The following CRYBG3 variants were observed in gnomAD, a reference collection of about 807,000 sequenced individuals.
CRYBG3 encodes the protein very large A-kinase anchor protein.
A neutral mutation model predicts 244.2 loss-of-function variants in CRYBG3; 127 were observed. The observed-to-expected ratio is 0.52, with a 90% CI of 0.45 to 0.60. The LOEUF is 0.60. CRYBG3 is among the 20% of genes least tolerant of loss of function. The probability of loss-of-function intolerance (pLI) is 0.00; values close to 1 mark genes in which losing one functional copy is unlikely to be tolerated. For missense variants in CRYBG3, 3,325 were observed against 3,442.5 expected (o/e 0.97, Z 0.85); for synonymous variants, 1,132 against 1,195.8 (o/e 0.95, Z 1.10).
At position 97,874,169 on chromosome 3, in the gene CRYBG3, A is replaced by T; in HGVS notation, c.2975A>T (p.Asn992Ile). The T allele has an allele frequency of 1.3e-6, 2 of 1,530,766 alleles. No individual in the cohort carries two copies. The highest frequency in any genetic ancestry group is 1.7e-6 in the Non-Finnish European group (2 of 1,145,556). The allele number at this position is 1,530,766 out of a possible 1,614,324, so 94.8% of individuals were successfully genotyped here. A position where few individuals can be genotyped will look rare whatever the true frequency, so the allele number is the denominator to read the frequency against. The change falls in exon 4 of 22, where the codon AAT (asparagine) becomes ATT (isoleucine). Residue 992 changes from asparagine to isoleucine, a missense_variant. Physicochemically the swap from Asn to Ile is moderately radical, Grantham distance 149. Coordinates refer to ENST00000389622, the MANE Select transcript of CRYBG3 (RefSeq NM_153605.4). ...HSEMAELSLTNISPKFQETGS... is the reference protein window; with the variant it reads ...HSEMAELSLTIISPKFQETGS... Reference sequence around the variant, plus strand: ...GAAATGGCGGAACTCAGCTTAACTAATATTTCCCCTAAATTCCAAGAAACT... The same window carrying T: ...GAAATGGCGGAACTCAGCTTAACTATTATTTCCCCTAAATTCCAAGAAACT...
At chr3:97,919,130 T>G (rs1400396304) in intron 17 of CRYBG3, among the ~76,000 whole-genome samples, 1 of 152,216 alleles carries the variant, frequency 6.6e-6, no homozygotes, top group African/African-American at 2.4e-5. Context: ...TCTCTGCCAC[T>G]GTAGCAGAGC....
intron 1 of CRYBG3, among the ~76,000 whole-genome samples, chr3:97,835,266 A>G (rs376658342): frequency 6.6e-6 from 1 of 152,116 alleles, no homozygotes; most frequent in East Asian, 1.9e-4. Flanking sequence ...CAGAAAATAT[A>G]TAGATTAATA....
At chr3:97,924,867 G>T (rs113736587) in intron 17 of CRYBG3, among the ~76,000 whole-genome samples, 2 of 152,032 alleles carry the variant, frequency 1.3e-5, no homozygotes, top group African/African-American at 4.8e-5. Context: ...CATATTCACA[G>T]GTTCTAAGAA....
At position 97,876,403 on chromosome 3, in the gene CRYBG3, G is replaced by C. The variant is rs2039372846; in HGVS notation, c.5209G>C (p.Glu1737Gln). Residue 1737 changes from glutamate (E) to glutamine (Q), a missense_variant, in exon 4 of 22, where the codon GAA becomes CAA. Transcript: ENST00000389622. ...GGCTGAAGTGATGCCTGTGAGGTTA[G>C]AAATGGAAAATACTTACCCAAAGGA... ...GKAEVMPVRL[E>Q]MENTYPKDTE... 8.1e-7 allele frequency: 1 copy of C among 1,232,008 alleles called. No individual in the cohort carries two copies. The highest frequency in any genetic ancestry group is 1.0e-6 in the Non-Finnish European group (1 of 987,990). 76.3% of individuals were successfully genotyped at this position (1,232,008 alleles called of 1,614,324 possible).
chr3:97,827,611 AAACT>A (rs1488167152), intron 1 of CRYBG3, among the ~76,000 whole-genome samples: 1 of 152,240 alleles, frequency 6.6e-6, no homozygotes, highest in Non-Finnish European at 1.5e-5. Context: ...TGACAAAAAC[AAACT>A]AACCTTTATT....
At chr3:97,836,151 T>C (rs1174701673) in intron 1 of CRYBG3, among the ~76,000 whole-genome samples, 2 of 152,062 alleles carry the variant, frequency 1.3e-5, no homozygotes, top group Non-Finnish European at 2.9e-5. Context: ...ACTGACCTTA[T>C]AGAGAAAAGG....
At chr3:97,912,752 CT>C (rs1019584769) in intron 16 of CRYBG3, among the ~76,000 whole-genome samples, 5 of 151,266 alleles carry the variant, frequency 3.3e-5, no homozygotes, top group Non-Finnish European at 7.4e-5. Flanking sequence ...TTCCTTTGGT[CT>C]TTTTTTTTCT....
intron 17 of CRYBG3, among the ~76,000 whole-genome samples, chr3:97,916,738 A>T (rs1236438844): frequency 6.6e-6 from 1 of 152,156 alleles, no homozygotes; most frequent in African/African-American, 2.4e-5. Context: ...TCCTGGATAG[A>T]GTATTCTTGG....
At chr3:97,891,579 CTA>C (rs1256986391) in intron 10 of CRYBG3, among the ~76,000 whole-genome samples, 1 of 152,102 alleles carries the variant, frequency 6.6e-6, no homozygotes, top group Non-Finnish European at 1.5e-5. Flanking sequence ...GTCATACCAG[CTA>C]TTTAGTTCAC....
intron 2 of CRYBG3, among the ~76,000 whole-genome samples, chr3:97,857,031 G>A (rs977562358): frequency 1.3e-5 from 2 of 151,924 alleles, no homozygotes; most frequent in East Asian, 1.9e-4. Flanking sequence ...GTTGCTATCA[G>A]TTTCCCTCTT....
In CRYBG3 at chr3:97,876,954, A is replaced by G; in HGVS notation, c.5760A>G (p.Ala1920=). The change falls in exon 4 of 22, where the codon GCA becomes GCG. Residue 1920 remains alanine (A), a synonymous_variant. Coordinates refer to ENST00000389622, the MANE Select transcript of CRYBG3 (RefSeq NM_153605.4). ...CAGAAATAAAGGAAGGCTTGATAGCACATGAAAATAGACTTCCTACATATT... is the reference window on the plus strand; with the variant it reads ...CAGAAATAAAGGAAGGCTTGATAGCGCATGAAAATAGACTTCCTACATATT... ...EPTEIKEGLI[A]HENRLPTYFR... 1.3e-6 allele frequency: 2 copies of G among 1,503,282 alleles called. No homozygotes were observed. Among genetic ancestry groups the G allele is most frequent in the Admixed American group, 2.3e-5 (1 of 42,854 alleles). 93.1% of individuals were successfully genotyped at this position (1,503,282 alleles called of 1,614,324 possible). A position where few individuals can be genotyped will look rare whatever the true frequency, so the allele number is the denominator to read the frequency against.
At chr3:97,926,142 C>T (rs1031008206) in intron 17 of CRYBG3, among the ~76,000 whole-genome samples, 10 of 151,954 alleles carry the variant, frequency 6.6e-5, no homozygotes, top group African/African-American at 2.4e-4. Flanking sequence ...GCCCATATGC[C>T]TGATGAACAA....
At position 97,872,788 on chromosome 3, in the gene CRYBG3, G is replaced by C; in HGVS notation, c.1594G>C (p.Glu532Gln). The C allele has an allele frequency of 6.5e-7, 1 of 1,535,916 alleles. No homozygotes were observed. ...TGTTAGAGAAATCAGGCGAGAAACA[G>C]AAAGTGCCTCAGCTGGTGAATCCAT... is the stretch of plus-strand genomic sequence containing the variant. ...VAVREIRRETESASAGESIAS... is the reference protein window; with the variant it reads ...VAVREIRRETQSASAGESIAS... The change falls in exon 4 of 22, where the codon GAA (glutamate) becomes CAA (glutamine). Residue 532 changes from glutamate to glutamine, a missense_variant. Physicochemically the swap from Glu to Gln is conservative, Grantham distance 29. Transcript: ENST00000389622.
At chr3:97,928,380 A>G (rs980607477) in intron 17 of CRYBG3, among the ~76,000 whole-genome samples, 2 of 152,006 alleles carry the variant, frequency 1.3e-5, no homozygotes, top group African/African-American at 4.8e-5. Context: ...CTATGAAGGG[A>G]ACAATAAACA....
intron 18 of CRYBG3, among the ~76,000 whole-genome samples, chr3:97,934,053 T>C (rs563746310): frequency 6.6e-6 from 1 of 152,226 alleles, no homozygotes; most frequent in African/African-American, 2.4e-5. Context: ...GAAATTTCAA[T>C]ATCCCAGCAA....
At chr3:97,883,506 A>G (rs1189599139) in intron 7 of CRYBG3, among the ~76,000 whole-genome samples, 2 of 152,212 alleles carry the variant, frequency 1.3e-5, no homozygotes, top group Non-Finnish European at 2.9e-5. Context: ...ATCAAACAAT[A>G]AAATCAAACA....
chr3:97,866,233 A>C (rs1167441947), intron 3 of CRYBG3, among the ~76,000 whole-genome samples: 1 of 152,164 alleles, frequency 6.6e-6, no homozygotes, highest in Non-Finnish European at 1.5e-5. Context: ...ATGGAGTACA[A>C]ATTGGTAGCA....
intron 15 of CRYBG3, among the ~76,000 whole-genome samples, chr3:97,911,630 C>A (rs1296644878): frequency 6.6e-6 from 1 of 152,240 alleles, no homozygotes; most frequent in Non-Finnish European, 1.5e-5. Flanking sequence ...CCATCTGCTT[C>A]TGTGCCCTCC....
chr3:97,937,028 G>A (rs1690767403), intron 19 of CRYBG3, 120 bp downstream of exon 19: 3 of 1,069,010 alleles, frequency 2.8e-6, no homozygotes, highest in Non-Finnish European at 1.3e-6. Context: ...AGTAGGGGGA[G>A]TGAATTAGGA....
Sources: allele counts gnomAD v4.1 joint callset (sites outside exome capture counted in the v4.1 genomes callset), GRCh38; gene constraint gnomAD v4.1.1; transcripts MANE v1.5; gene names NCBI Gene and HGNC (gene_info 2026-07-23, HGNC 2026-07-21).